NELL2: variants seen among roughly 807,000 people sequenced by gnomAD.
NELL2 encodes the protein neural EGFL like 2.
A neutral mutation model predicts 109.6 loss-of-function variants in NELL2; 41 were observed. That is an observed-to-expected ratio of 0.37 (90% CI 0.29 to 0.49). The LOEUF (loss-of-function observed/expected upper bound fraction) is 0.49. Among genes scored for constraint, NELL2 ranks in the 20% least tolerant of loss-of-function variants. The probability of loss-of-function intolerance (pLI) is 0.98; values close to 1 mark genes in which losing one functional copy is unlikely to be tolerated. For synonymous variants in NELL2, 355 were observed against 344.7 expected, an observed-to-expected ratio of 1.03 and a Z score of -0.33; for missense variants, 900 against 1,008.3, an observed-to-expected ratio of 0.89 and a Z score of 1.45.
At chr12:44,521,355 C>T (rs544472364) in intron 18 of NELL2, among the ~76,000 whole-genome samples, 1 of 151,784 alleles carries the variant, frequency 6.6e-6, no homozygotes, top group South Asian at 2.1e-4. Flanking sequence ...ACGGTGAAAC[C>T]CCGTCTCTAC....
At chr12:44,557,416 G>A (rs1280953927) in intron 15 of NELL2, among the ~76,000 whole-genome samples, 1 of 152,146 alleles carries the variant, frequency 6.6e-6, no homozygotes, top group Non-Finnish European at 1.5e-5. Context: ...AAGTTGAAGG[G>A]GAGATGGTAG....
rs143127363 is a variant in NELL2 at position 44,574,127 on chromosome 12, G to A, written c.1663+33042C>T. ...TGCCCAGGCTGGATTGTAGTGGTGT[G>A]ATCTCAGATCACTGCAACCTCTGTC... On this transcript the variant is annotated intron_variant, in intron 15 of 19. Coordinates refer to ENST00000429094, the MANE Select transcript of NELL2 (RefSeq NM_001145108.2). Among the ~76,000 whole-genome samples the A allele has an allele frequency of 6.1e-3, 924 of 151,724 alleles. 8 individuals are homozygous for A. The highest frequency in any genetic ancestry group is 0.021 in the African/African-American group (867 of 41,328).
At chr12:44,756,424 T>G (rs1940891603) in intron 9 of NELL2, among the ~76,000 whole-genome samples, 1 of 152,060 alleles carries the variant, frequency 6.6e-6, no homozygotes, top group South Asian at 2.1e-4. Flanking sequence ...AAAAAATTCC[T>G]GAGCCCTACA....
At chr12:44,664,035 C>T (rs1947838785) in intron 13 of NELL2, among the ~76,000 whole-genome samples, 2 of 152,064 alleles carry the variant, frequency 1.3e-5, no homozygotes, top group African/African-American at 4.8e-5. Context: ...TTCTAAGATG[C>T]AGCAGTTTTA....
At chr12:44,604,842 C>G (rs1316871932) in intron 15 of NELL2, among the ~76,000 whole-genome samples, 1 of 152,062 alleles carries the variant, frequency 6.6e-6, no homozygotes, top group Non-Finnish European at 1.5e-5. Context: ...GGATACTGGA[C>G]TAGCCAGAGA....
chr12:44,558,780 GT>G (rs1198556826), intron 15 of NELL2, among the ~76,000 whole-genome samples: 2 of 152,134 alleles, frequency 1.3e-5, no homozygotes, highest in Admixed American at 1.3e-4. Context: ...GCTGCAGGAG[GT>G]TTTTTTCATA....
At chr12:44,789,929 A>G (rs1942318271) in intron 3 of NELL2, among the ~76,000 whole-genome samples, 2 of 152,128 alleles carry the variant, frequency 1.3e-5, no homozygotes, top group Non-Finnish European at 2.9e-5. Flanking sequence ...AAGACAAAGA[A>G]AGAAGAATGA....
At chr12:44,728,409 G>A (rs115100393) in intron 9 of NELL2, among the ~76,000 whole-genome samples, 37 of 152,136 alleles carry the variant, frequency 2.4e-4, no homozygotes, top group African/African-American at 8.9e-4. Context: ...CAAACTCAAA[G>A]ACAGTGCATC....
chr12:44,597,077 G>A (rs1179083568), intron 15 of NELL2, among the ~76,000 whole-genome samples: 1 of 151,950 alleles, frequency 6.6e-6, no homozygotes, highest in Non-Finnish European at 1.5e-5. Flanking sequence ...GAACATGCAG[G>A]GTGATCTATC....
chr12:44,542,849 C>G (rs1025308425), intron 15 of NELL2, among the ~76,000 whole-genome samples: 4 of 152,122 alleles, frequency 2.6e-5, no homozygotes, highest in African/African-American at 9.7e-5. Context: ...CTTCATTCTT[C>G]ATCTGGAGTT....
intron 13 of NELL2, among the ~76,000 whole-genome samples, chr12:44,659,228 A>G (rs1947640325): frequency 6.6e-6 from 1 of 152,234 alleles, no homozygotes; most frequent in Non-Finnish European, 1.5e-5. Context: ...CATAAGACCT[A>G]AAACCATAAA....
intron 3 of NELL2, among the ~76,000 whole-genome samples, chr12:44,809,377 T>A (rs1365094136): frequency 6.6e-6 from 1 of 152,090 alleles, no homozygotes; most frequent in African/African-American, 2.4e-5. Flanking sequence ...ATTCTCTATT[T>A]ACCTTTCGAA....
chr12:44,856,829 T>G (rs1001419112), intron 2 of NELL2, among the ~76,000 whole-genome samples: 1 of 152,162 alleles, frequency 6.6e-6, no homozygotes, highest in Non-Finnish European at 1.5e-5. Flanking sequence ...AGCAAAGCAG[T>G]GACATGATAT....
intron 9 of NELL2, among the ~76,000 whole-genome samples, chr12:44,746,814 G>C (rs200735470): frequency 6.6e-6 from 1 of 152,218 alleles, no homozygotes; most frequent in East Asian, 1.9e-4. Context: ...TGCTGGAGAG[G>C]ATGTGGAGAA....
At chr12:44,641,627 C>G (rs1396624566) in intron 13 of NELL2, among the ~76,000 whole-genome samples, 1 of 151,216 alleles carries the variant, frequency 6.6e-6, no homozygotes, top group Non-Finnish European at 1.5e-5. Context: ...CATCCGAAAA[C>G]CTAGTCAGTC....
chr12:44,835,325 A>G (rs1312377183), intron 2 of NELL2, among the ~76,000 whole-genome samples: 9 of 152,126 alleles, frequency 5.9e-5, no homozygotes, highest in Non-Finnish European at 1.2e-4. Context: ...TTCTGGGGGG[A>G]AAAATCATTA....
At chr12:44,653,666 C>A (rs189510396) in intron 13 of NELL2, among the ~76,000 whole-genome samples, 1 of 152,266 alleles carries the variant, frequency 6.6e-6, no homozygotes, top group Admixed American at 6.5e-5. Flanking sequence ...ACCAACAAAA[C>A]CTTCTGCCTT....
At chr12:44,768,253 T>C (rs1052780787) in intron 9 of NELL2, among the ~76,000 whole-genome samples, 3 of 152,308 alleles carry the variant, frequency 2.0e-5, no homozygotes, top group Non-Finnish European at 2.9e-5. Flanking sequence ...TTTCCACTGA[T>C]TGGACATCAT....
chr12:44,799,157 G>T (rs1033726458), intron 3 of NELL2, among the ~76,000 whole-genome samples: 9 of 151,466 alleles, frequency 5.9e-5, no homozygotes, highest in African/African-American at 1.7e-4. Context: ...ATGGGGTTTC[G>T]CCATGTTAGC....
Sources: allele counts gnomAD v4.1 joint callset (sites outside exome capture counted in the v4.1 genomes callset), GRCh38; gene constraint gnomAD v4.1.1; transcripts MANE v1.5; gene names NCBI Gene and HGNC (gene_info 2026-07-23, HGNC 2026-07-21).